HHIPL1: variants seen among roughly 807,000 people sequenced by gnomAD.
HHIPL1 encodes the protein HHIP-like protein 1.
Under a neutral mutation model 61.8 loss-of-function variants are expected in HHIPL1, and 43 were observed. That is an observed-to-expected ratio of 0.70 (90% confidence interval 0.55 to 0.90). HHIPL1 has a LOEUF of 0.90. Ranked by LOEUF, HHIPL1 falls within the 40% of genes least tolerant of loss-of-function variation. The pLI is 0.00. For synonymous variants in HHIPL1, 482 were observed against 515.8 expected, an observed-to-expected ratio of 0.93 and a Z score of 0.89; for missense variants, 1,056 against 1,157.7, an observed-to-expected ratio of 0.91 and a Z score of 1.28.
At position 99,660,128 on chromosome 14, in the gene HHIPL1, CGCCAGCCCTGCTGTGGG is replaced by C; in HGVS notation, c.1376-151_1376-135del. 4 of 649,276 alleles carry C rather than the reference CGCCAGCCCTGCTGTGGG, an allele frequency of 6.2e-6. No homozygotes were observed. The highest frequency in any genetic ancestry group is 3.4e-5 in the Admixed American group (1 of 29,688). 40.2% of individuals were successfully genotyped at this position (649,276 alleles called of 1,614,324 possible). On this transcript the variant is annotated intron_variant, in intron 4 of 8. Coordinates refer to ENST00000330710, the MANE Select transcript of HHIPL1 (RefSeq NM_001127258.3). This position sits in a 1 kb window ranked among gnomAD's most constrained non-coding sequence, Gnocchi z 4.9. ...ACCCCTGCAGACACGCTTTCCACCA[CGCCAGCCCTGCTGTGGG>C]CACGCCAGCCCTGCTGTGGGCACGC...
the HHIPL1 span, among the ~76,000 whole-genome samples, chr14:99,637,228 G>GAA: frequency 1.4e-5 from 2 of 145,068 alleles, no homozygotes; most frequent in African/African-American, 5.3e-5. Context: ...AAGAAAGAAA[G>GAA]AAAGAAAGAA....
rs1318809223 is a variant in HHIPL1 at position 99,676,592 on chromosome 14, G to A, written c.*966G>A. 1.3e-5 allele frequency: 2 copies of A among 152,326 alleles called. No homozygotes were observed. The highest frequency in any genetic ancestry group is 4.8e-5 in the African/African-American group (2 of 41,436). 9.4% of individuals were successfully genotyped at this position (152,326 alleles called of 1,614,324 possible). ...CCTGATTCCTCCAGCCCTACCTCGG[G>A]GCTGACCAGGCTGGGGGTCCAGTGA... On this transcript the variant is annotated 3_prime_UTR_variant, in exon 9 of 9. Coordinates refer to ENST00000330710, the MANE Select transcript of HHIPL1 (RefSeq NM_001127258.3).
At chr14:99,637,089 A>AGAG in the HHIPL1 span, among the ~76,000 whole-genome samples, 45 of 128,744 alleles carry the variant, frequency 3.5e-4, 1 homozygote, top group Non-Finnish European at 6.7e-4. Context: ...AGAAAGAAAG[A>AGAG]AAGAAGGAAG....
chr14:99,624,983 G>A, the HHIPL1 span: 1 of 152,346 alleles, frequency 6.6e-6, no homozygotes, highest in South Asian at 2.1e-4. Flanking sequence ...GGTGCCTGCC[G>A]AGCGAGGTGG....
At chr14:99,665,154 T>G (rs1048177008) in intron 6 of HHIPL1, among the ~76,000 whole-genome samples, 7 of 152,300 alleles carry the variant, frequency 4.6e-5, no homozygotes, top group Admixed American at 3.3e-4. Flanking sequence ...CTCGAACCCC[T>G]GACCTCAGGT....
chr14:99,634,103 C>T, the HHIPL1 span, among the ~76,000 whole-genome samples: 3 of 152,212 alleles, frequency 2.0e-5, no homozygotes, highest in African/African-American at 7.2e-5. Context: ...TCACAGTTGG[C>T]ACTGGAAAAT....
the HHIPL1 span, among the ~76,000 whole-genome samples, chr14:99,630,801 C>T: frequency 2.6e-5 from 4 of 152,186 alleles, no homozygotes; most frequent in Non-Finnish European, 5.9e-5. Context: ...AGCAGCCTTC[C>T]TTCTGAGGCT....
chr14:99,645,316 C>A lies in HHIPL1; in HGVS notation c.109C>A (p.Arg37Ser). The A allele has an allele frequency of 6.9e-7, 1 of 1,454,450 alleles. No homozygotes were observed. The allele number at this position is 1,454,450 out of a possible 1,614,324, so 90.1% of individuals were successfully genotyped here. A position where few individuals can be genotyped will look rare whatever the true frequency, so the allele number is the denominator to read the frequency against. ...RPPFRPTQPLRLCAQYSDFGC... is the reference protein window; with the variant it reads ...RPPFRPTQPLSLCAQYSDFGC... ...GCCCTTCCGGCCGACGCAGCCGCTG[C>A]GCCTCTGCGCGCAGTACTCGGACTT... Residue 37 changes from arginine (R) to serine (S), a missense_variant, in exon 1 of 9, where the codon CGC (arginine) becomes AGC (serine). Arg to Ser is a moderately radical substitution (Grantham distance 110). Transcript: ENST00000330710.
In HHIPL1 at chr14:99,668,175, C is replaced by T. The variant is rs77233601; in HGVS notation, c.1649-47C>T. The stretch of plus-strand genomic sequence containing the variant: ...GGTGGTGAGGCGGGGCTGGCTGGGA[C>T]GGTATTCCAGGTGGGGGTCTCACTA... On this transcript the variant is annotated intron_variant, in intron 6 of 8. Coordinates refer to ENST00000330710, the MANE Select transcript of HHIPL1 (RefSeq NM_001127258.3). The surrounding 1 kb of genome is among the most constrained non-coding windows in gnomAD (Gnocchi z 4.7). 3.4e-4 allele frequency: 399 copies of T among 1,166,272 alleles called. 1 individual carries two copies. In the African/African-American group the frequency reaches 3.6e-3, roughly 10 times the overall value. 72.2% of individuals were successfully genotyped at this position (1,166,272 alleles called of 1,614,324 possible). A position where few individuals can be genotyped will look rare whatever the true frequency, so the allele number is the denominator to read the frequency against.
At chr14:99,655,111 T>C (rs1360381374) in intron 2 of HHIPL1, among the ~76,000 whole-genome samples, 1 of 152,100 alleles carries the variant, frequency 6.6e-6, no homozygotes, top group Non-Finnish European at 1.5e-5. Context: ...TGTCAGTCTC[T>C]CCTCCCAGAG....
At chr14:99,673,734 TGGAATGGAGGGG>T (rs2056352236) in intron 8 of HHIPL1, among the ~76,000 whole-genome samples, 4 of 1,500 alleles carry the variant, frequency 2.7e-3, no homozygotes, top group African/African-American at 0.012. Flanking sequence ...CTGAGGGGGG[TGGAATGGAGGGG>T]GGTGCACTGA....
chr14:99,614,951 G>T, the HHIPL1 span, among the ~76,000 whole-genome samples: 2 of 152,168 alleles, frequency 1.3e-5, no homozygotes, highest in Admixed American at 6.5e-5. Flanking sequence ...GGCCAGAAGA[G>T]AAGTGGAAAA....
At chr14:99,661,420 A>AGG (rs2056151039) in intron 5 of HHIPL1, among the ~76,000 whole-genome samples, 3 of 145,982 alleles carry the variant, frequency 2.1e-5, no homozygotes, top group African/African-American at 5.2e-5. Context: ...AGAGAGAGAA[A>AGG]AGAAGGAAGG....
At chr14:99,672,279 C>T in intron 7 of HHIPL1, 38 bp from the exon 8 acceptor site, 1 of 1,530,782 alleles carries the variant, frequency 6.5e-7, no homozygotes, top group Non-Finnish European at 8.9e-7. Flanking sequence ...GGTGGGCTCC[C>T]AGGGTGAGAC....
At chr14:99,615,514 A>T in the HHIPL1 span, among the ~76,000 whole-genome samples, 2 of 151,600 alleles carry the variant, frequency 1.3e-5, no homozygotes, top group East Asian at 1.9e-4. Context: ...ACTGCACTCC[A>T]GCTTGGGTGG....
intron 2 of HHIPL1, among the ~76,000 whole-genome samples, chr14:99,654,920 A>G (rs1860915518): frequency 6.6e-6 from 1 of 152,224 alleles, no homozygotes; most frequent in South Asian, 2.1e-4. Flanking sequence ...TGGATTCCTG[A>G]TAAAGACTTG....
the HHIPL1 span, among the ~76,000 whole-genome samples, chr14:99,630,763 G>GT: frequency 0.031 from 4,715 of 152,328 alleles, 126 homozygotes; most frequent in Middle Eastern, 0.088. Context: ...CATTCTGGAG[G>GT]TTGGAAGTCC....
chr14:99,640,818 G>A (rs570878827), upstream of HHIPL1, among the ~76,000 whole-genome samples: 4 of 145,992 alleles, frequency 2.7e-5, no homozygotes, highest in Admixed American at 6.8e-5. Flanking sequence ...CATCCAGTAC[G>A]TTGAATTTCT....
upstream of HHIPL1, among the ~76,000 whole-genome samples, chr14:99,644,584 C>T (rs1421730672): frequency 1.3e-5 from 2 of 152,024 alleles, no homozygotes; most frequent in Non-Finnish European, 2.9e-5. Flanking sequence ...AGTGGGGAGC[C>T]CCAGTGGGTC....
Sources: allele counts gnomAD v4.1 joint callset (sites outside exome capture counted in the v4.1 genomes callset), GRCh38; gene constraint gnomAD v4.1.1; non-coding constraint Gnocchi (gnomAD v3.1); transcripts MANE v1.5; gene names NCBI Gene and HGNC (gene_info 2026-07-23, HGNC 2026-07-21).